The following DSCAML1 variants were observed in gnomAD, a reference collection of about 807,000 sequenced individuals.
DSCAML1 encodes DS cell adhesion molecule like 1.
Under a neutral mutation model 200.5 loss-of-function variants are expected in DSCAML1, and 38 were observed. The ratio of observed to expected loss-of-function variants is 0.19; its 90% CI spans 0.15 to 0.25. DSCAML1 has a LOEUF of 0.25. Ranked by LOEUF, DSCAML1 falls within the 10% of genes least tolerant of loss-of-function variation. The pLI, the probability that DSCAML1 is intolerant of heterozygous loss-of-function variation, is 1.00. For synonymous variants in DSCAML1, 1,215 were observed against 1,165.0 expected, an observed-to-expected ratio of 1.04 and a Z score of -0.87; for missense variants, 2,223 against 2,858.8, an observed-to-expected ratio of 0.78 and a Z score of 5.07.
chr11:117,506,975 CT>C (rs1319256990), intron 8 of DSCAML1, among the ~76,000 whole-genome samples: 2 of 152,184 alleles, frequency 1.3e-5, no homozygotes, highest in African/African-American at 4.8e-5. Context: ...CCCAGCCTTC[CT>C]CCCGCTAGAA....
rs2052748300 is a variant in DSCAML1 at position 117,656,994 on chromosome 11, G to A, written c.511+119797C>T. On this transcript the variant is annotated intron_variant, in intron 3 of 32. Transcript: ENST00000651296. ...AATAAAAATAAGGAGCTTACATGTT[G>A]AGTTATATAAGGGGTCTTCACACTG... Among the ~76,000 whole-genome samples, 3 of 152,318 alleles carry A rather than the reference G, an allele frequency of 2.0e-5. No homozygotes were observed. The South Asian group carries it at 6.2e-4, about 32-fold the overall frequency.
At chr11:117,636,262 G>A (rs1193060582) in intron 3 of DSCAML1, among the ~76,000 whole-genome samples, 1 of 152,150 alleles carries the variant, frequency 6.6e-6, no homozygotes, top group Admixed American at 6.5e-5. Context: ...AGAACATTTG[G>A]GGAATAGGTG....
At chr11:117,590,664 C>T (rs2051241579) in intron 3 of DSCAML1, among the ~76,000 whole-genome samples, 2 of 152,118 alleles carry the variant, frequency 1.3e-5, no homozygotes, top group South Asian at 2.1e-4. Context: ...TTCTGGATGG[C>T]GTCTGGGGAC....
chr11:117,527,914 G>T (rs1360760103), intron 4 of DSCAML1, among the ~76,000 whole-genome samples: 1 of 152,162 alleles, frequency 6.6e-6, no homozygotes, highest in East Asian at 1.9e-4. Flanking sequence ...GCTCTCCAGG[G>T]GCAAGTTCTG....
At chr11:117,672,102 G>GAAAAAAAAAAAAAAAAAAAAAA (rs71037491) in intron 3 of DSCAML1, among the ~76,000 whole-genome samples, 25 of 94,476 alleles carry the variant, frequency 2.6e-4, no homozygotes, top group African/African-American at 1.1e-3. Context: ...CTCCAGCTCA[G>GAAAAAAAAAAAAAAAAAAAAAA]AAAAAAAAAA....
At chr11:117,637,597 G>A (rs1360091769) in intron 3 of DSCAML1, among the ~76,000 whole-genome samples, 2 of 152,036 alleles carry the variant, frequency 1.3e-5, no homozygotes, top group Non-Finnish European at 1.5e-5. Context: ...CGCCCATCTC[G>A]GCCTCCCAAA....
chr11:117,661,509 C>T (rs531229844), intron 3 of DSCAML1, among the ~76,000 whole-genome samples: 4 of 152,254 alleles, frequency 2.6e-5, no homozygotes, highest in Admixed American at 1.3e-4. Flanking sequence ...TTTGCAAGGT[C>T]GTAACTAGAG....
chr11:117,496,939 C>T (rs1459417644), intron 11 of DSCAML1, among the ~76,000 whole-genome samples: 2 of 152,164 alleles, frequency 1.3e-5, no homozygotes, highest in South Asian at 2.1e-4. Flanking sequence ...GTTTGGGATG[C>T]GATGTGATTG....
At chr11:117,521,065 CAG>C (rs2049877413) in intron 6 of DSCAML1, 63 bp downstream of exon 6, 1 of 1,574,046 alleles carries the variant, frequency 6.4e-7, no homozygotes. Context: ...CCCACCTCAG[CAG>C]AAGGGAGGGA....
rs541770094 is a variant in DSCAML1, at chr11:117,695,425, G to T, written c.511+81366C>A. On this transcript the variant is annotated intron_variant, in intron 3 of 32. Coordinates refer to ENST00000651296, the MANE Select transcript of DSCAML1 (RefSeq NM_020693.4). ...TGAGCATGGTAGGAACTGCAGATGT[G>T]TATGTTGGGTCACCAGTGTTCCGGG... Among the ~76,000 whole-genome samples, 9 of 149,766 alleles carry T rather than the reference G, an allele frequency of 6.0e-5. No individual in the cohort carries two copies. The South Asian group carries it at 1.5e-3, about 25-fold the overall frequency.
intron 3 of DSCAML1, among the ~76,000 whole-genome samples, chr11:117,609,042 A>AC (rs1373517611): frequency 4.8e-4 from 72 of 149,444 alleles, no homozygotes; most frequent in African/African-American, 1.5e-3. Context: ...AAACAAAAAA[A>AC]ACAAAAATTG....
intron 3 of DSCAML1, among the ~76,000 whole-genome samples, chr11:117,613,617 A>G (rs1023482218): frequency 4.6e-5 from 7 of 152,206 alleles, no homozygotes; most frequent in African/African-American, 7.2e-5. Flanking sequence ...CAGGATGCCT[A>G]CCAGGGAATG....
rs147880321 is a variant in DSCAML1 at position 117,535,796 on chromosome 11, C to T, written c.512-3274G>A. Among the ~76,000 whole-genome samples, 837 of 151,082 alleles carry T rather than the reference C, an allele frequency of 5.5e-3. 18 individuals carry two copies. Among genetic ancestry groups the T allele is most frequent in the Non-Finnish European group, 4.3e-3 (293 of 67,890 alleles). On this transcript the variant is annotated intron_variant, in intron 3 of 32. Coordinates refer to ENST00000651296, the MANE Select transcript of DSCAML1 (RefSeq NM_020693.4). ...AGACACAGAAATCAATGCTCACAGC[C>T]GACAGGTGCTCCAGCCCTGGACAGC...
intron 3 of DSCAML1, among the ~76,000 whole-genome samples, chr11:117,718,366 G>A (rs1001073886): frequency 6.6e-6 from 1 of 152,240 alleles, no homozygotes; most frequent in African/African-American, 2.4e-5. Context: ...CAAGTTGGGG[G>A]TGAAAGGGGT....
At chr11:117,559,048 G>A (rs957085749) in intron 3 of DSCAML1, among the ~76,000 whole-genome samples, 2 of 152,122 alleles carry the variant, frequency 1.3e-5, no homozygotes, top group Non-Finnish European at 2.9e-5. Flanking sequence ...GAAAAGGGGA[G>A]GTTGGGGAGA....
chr11:117,790,603 T>C lies in DSCAML1; in HGVS notation c.46+6431A>G, dbSNP rs574769191. Reference sequence around the variant, plus strand: ...TTATAAGGCTAAAACGGGTTTGCTGTGGTTTTTACATGTGTGTGTTCATAT... The same window carrying C: ...TTATAAGGCTAAAACGGGTTTGCTGCGGTTTTTACATGTGTGTGTTCATAT... On this transcript the variant is annotated intron_variant, in intron 1 of 32. Transcript: ENST00000651296. 3.9e-5 allele frequency among the ~76,000 whole-genome samples: 6 copies of C among 152,364 alleles called. No homozygotes were observed. In the South Asian group the frequency reaches 1.2e-3, roughly 32 times the overall value.
chr11:117,771,290 T>C (rs1417352835), intron 3 of DSCAML1, among the ~76,000 whole-genome samples: 1 of 152,226 alleles, frequency 6.6e-6, no homozygotes, highest in East Asian at 1.9e-4. Context: ...ATTGAGATTA[T>C]CCATCCCCGT....
chr11:117,561,005 G>A (rs531456375), intron 3 of DSCAML1, among the ~76,000 whole-genome samples: 11 of 152,312 alleles, frequency 7.2e-5, no homozygotes, highest in African/African-American at 2.6e-4. Flanking sequence ...GAGGGCGGGT[G>A]CTGGGGCCCC....
At position 117,536,755 on chromosome 11, in the gene DSCAML1, G is replaced by A. The variant is rs866064414; in HGVS notation, c.512-4233C>T. On this transcript the variant is annotated intron_variant, in intron 3 of 32. Transcript: ENST00000651296. ...TGATTGACATATTTCAAAGGCTGTGGTATCATCTATCTACATGCTTATGAC... is the reference window on the plus strand; with the variant it reads ...TGATTGACATATTTCAAAGGCTGTGATATCATCTATCTACATGCTTATGAC... Among the ~76,000 whole-genome samples the A allele has an allele frequency of 3.3e-5, 5 of 152,080 alleles. No individual in the cohort carries two copies. The South Asian group carries it at 1.0e-3, about 32-fold the overall frequency.
Sources: gnomAD v4.1 joint callset for allele counts (sites outside exome capture counted in the v4.1 genomes callset) on GRCh38, gnomAD v4.1.1 for gene constraint, MANE v1.5 for transcripts, NCBI Gene and HGNC (gene_info 2026-07-23, HGNC 2026-07-21) for gene names.